Variants in DENND4A observed in about 807,000 individuals in gnomAD.
DENND4A encodes the protein C-myc promoter-binding protein.
Under a neutral mutation model 199.3 loss-of-function variants are expected in DENND4A, and 70 were observed. That is an observed-to-expected ratio of 0.35 (90% confidence interval 0.29 to 0.43). DENND4A has a LOEUF of 0.43. Among genes scored for constraint, DENND4A ranks in the 20% least tolerant of loss-of-function variants. The probability of loss-of-function intolerance (pLI) is 1.00; values close to 1 mark genes in which losing one functional copy is unlikely to be tolerated. For synonymous variants in DENND4A, 686 were observed against 766.9 expected, an observed-to-expected ratio of 0.89 and a Z score of 1.74; for missense variants, 1,723 against 2,255.8, an observed-to-expected ratio of 0.76 and a Z score of 4.78.
intron 1 of DENND4A, among the ~76,000 whole-genome samples, chr15:65,787,812 G>C (rs1378474347): frequency 6.6e-6 from 1 of 152,190 alleles, no homozygotes; most frequent in Non-Finnish European, 1.5e-5. Context: ...CCCAGGGTCT[G>C]AGGGCAGAAA....
At position 65,691,141 on chromosome 15, in the gene DENND4A, A is replaced by C; in HGVS notation, c.3453T>G (p.Gly1151=). ...ESSDDDTPFD[G]SNYLADKVDS... Reference sequence around the variant, plus strand: ...CCACTTTATCTGCCAAATAGTTAGAACCATCAAAAGGTGTATCATCATCAC... The same window carrying C: ...CCACTTTATCTGCCAAATAGTTAGACCCATCAAAAGGTGTATCATCATCAC... Residue 1151 remains glycine (G), a synonymous_variant, in exon 23 of 33, where the codon GGT becomes GGG. Coordinates refer to ENST00000443035, the MANE Select transcript of DENND4A (RefSeq NM_001320835.1). 6.2e-7 allele frequency: 1 copy of C among 1,613,456 alleles called. No homozygotes were observed. The highest frequency in any genetic ancestry group is 8.5e-7 in the Non-Finnish European group (1 of 1,179,748).
chr15:65,710,138 C>T (rs570912593), intron 14 of DENND4A, among the ~76,000 whole-genome samples: 2 of 152,150 alleles, frequency 1.3e-5, no homozygotes, highest in South Asian at 4.1e-4. Context: ...CTCCTTAGGA[C>T]GTAATACCCT....
intron 29 of DENND4A, 22 bp from the exon 30 acceptor site, chr15:65,665,484 C>A: frequency 6.5e-7 from 1 of 1,540,538 alleles, no homozygotes; most frequent in South Asian, 1.2e-5. Flanking sequence ...AATAAACATT[C>A]ATTAATGATC....
At chr15:65,762,619 G>A (rs1185597066) in intron 1 of DENND4A, among the ~76,000 whole-genome samples, 2 of 152,192 alleles carry the variant, frequency 1.3e-5, no homozygotes, top group South Asian at 4.1e-4. Context: ...ACAGAGTAAA[G>A]CTCTATCTCC....
At chr15:65,791,393 C>A (rs1358597212) in intron 1 of DENND4A, among the ~76,000 whole-genome samples, 1 of 152,074 alleles carries the variant, frequency 6.6e-6, no homozygotes, top group Non-Finnish European at 1.5e-5. Flanking sequence ...CTGCCCCCCA[C>A]CTCCAGAAAA....
At chr15:65,770,305 T>C (rs989326059) in intron 1 of DENND4A, among the ~76,000 whole-genome samples, 6 of 152,268 alleles carry the variant, frequency 3.9e-5, no homozygotes, top group African/African-American at 1.2e-4. Context: ...TGGGGGAAAA[T>C]GTGAGTCCTC....
chr15:65,724,862 G>A (rs2075756453), intron 11 of DENND4A, among the ~76,000 whole-genome samples: 2 of 152,148 alleles, frequency 1.3e-5, no homozygotes, highest in African/African-American at 4.8e-5. Flanking sequence ...ACCATTCACT[G>A]CATAGTGCCT....
intron 23 of DENND4A, among the ~76,000 whole-genome samples, chr15:65,679,626 G>A (rs1163765340): frequency 2.0e-5 from 3 of 151,772 alleles, no homozygotes; most frequent in African/African-American, 4.8e-5. Flanking sequence ...CACCTCCAGA[G>A]CTCAAGCAAT....
At chr15:65,700,969 A>G (rs1381339519) in intron 19 of DENND4A, 82 bp downstream of exon 19, 6 of 1,437,914 alleles carry the variant, frequency 4.2e-6, no homozygotes, top group Non-Finnish European at 5.6e-6. Flanking sequence ...CAATATTTTA[A>G]AACTATTTAA....
chr15:65,785,884 A>G (rs534526902), intron 1 of DENND4A, among the ~76,000 whole-genome samples: 1 of 152,318 alleles, frequency 6.6e-6, no homozygotes, highest in South Asian at 2.1e-4. Flanking sequence ...CCAAATAAAA[A>G]TAAGTTTTCC....
chr15:65,761,911 C>G (rs967083636), intron 1 of DENND4A, among the ~76,000 whole-genome samples: 7 of 152,156 alleles, frequency 4.6e-5, no homozygotes, highest in Non-Finnish European at 8.8e-5. Context: ...AAAGTACTTT[C>G]CCTTTATTAC....
At chr15:65,758,573 A>G (rs1280555857) in intron 2 of DENND4A, among the ~76,000 whole-genome samples, 3 of 152,104 alleles carry the variant, frequency 2.0e-5, no homozygotes, top group Non-Finnish European at 4.4e-5. Context: ...CAGCCTCCCA[A>G]AGTGTTGGGA....
chr15:65,673,150 C>A (rs2076269211), intron 24 of DENND4A, among the ~76,000 whole-genome samples: 1 of 151,062 alleles, frequency 6.6e-6, no homozygotes, highest in South Asian at 2.1e-4. Flanking sequence ...CGTGAGCCAC[C>A]GTGCCCAGCC....
chr15:65,671,755 G>A (rs1473765349), intron 25 of DENND4A, 37 bp downstream of exon 25: 2 of 1,275,230 alleles, frequency 1.6e-6, no homozygotes, highest in Non-Finnish European at 2.3e-6. Context: ...ATTTTATAAA[G>A]CAGTATATGA....
At chr15:65,788,517 A>C (rs1410409782) in intron 1 of DENND4A, among the ~76,000 whole-genome samples, 1 of 152,032 alleles carries the variant, frequency 6.6e-6, no homozygotes, top group Non-Finnish European at 1.5e-5. Context: ...GTTATTTGGG[A>C]TTTTCAGTAT....
At position 65,757,468 on chromosome 15, in the gene DENND4A, A is replaced by G. The variant is rs561747564; in HGVS notation, c.-22-996T>C. On this transcript the variant is annotated intron_variant, in intron 2 of 32. Transcript: ENST00000443035. ...AGAGAATTGGAACTGAGCCACCTAT[A>G]TAAAGCTGAGAGTTTCAAAGGACTA... Among the ~76,000 whole-genome samples the G allele has an allele frequency of 1.2e-4, 18 of 152,302 alleles. No homozygotes were observed. In the South Asian group the frequency reaches 3.5e-3, roughly 30 times the overall value.
At chr15:65,684,818 A>ATTTT (rs541989496) in intron 23 of DENND4A, among the ~76,000 whole-genome samples, 11 of 104,932 alleles carry the variant, frequency 1.0e-4, no homozygotes, top group East Asian at 3.3e-4. Context: ...TTTTCTTCCA[A>ATTTT]TTTTTTTTTT....
intron 4 of DENND4A, among the ~76,000 whole-genome samples, chr15:65,751,677 G>C (rs562178672): frequency 1.6e-4 from 24 of 152,290 alleles, no homozygotes; most frequent in Admixed American, 1.2e-3. Flanking sequence ...TACCTAAGAA[G>C]AGAGTATATT....
chr15:65,725,856 G>A (rs969859916), intron 11 of DENND4A, among the ~76,000 whole-genome samples: 1 of 152,054 alleles, frequency 6.6e-6, no homozygotes, highest in Non-Finnish European at 1.5e-5. Context: ...ACTTAAGACA[G>A]GGAAGGGGAA....
Sources: allele counts gnomAD v4.1 joint callset (sites outside exome capture counted in the v4.1 genomes callset), GRCh38; gene constraint gnomAD v4.1.1; transcripts MANE v1.5; gene names NCBI Gene and HGNC (gene_info 2026-07-23, HGNC 2026-07-21).